ANXA4: variants seen among roughly 807,000 people sequenced by gnomAD.
ANXA4 encodes the protein 35-beta calcimedin.
In ANXA4, 39 loss-of-function variants were observed where a neutral mutation model predicts 49.8. The ratio of observed to expected loss-of-function variants is 0.78; its 90% CI spans 0.61 to 1.02. The LOEUF (loss-of-function observed/expected upper bound fraction) is 1.02. Among genes scored for constraint, ANXA4 ranks in the 50% least tolerant of loss-of-function variants. ANXA4 has a pLI of 0.00. For missense variants in ANXA4, 360 were observed against 410.1 expected, an observed-to-expected ratio of 0.88 and a Z score of 1.05; for synonymous variants, 134 against 152.5, an observed-to-expected ratio of 0.88 and a Z score of 0.89.
At position 69,673,539 on chromosome 2, in the gene ANXA4, G is replaced by A. The variant is rs557662865; in HGVS notation, n.766+20257G>A. ...GGGGCTAGGGGATGGATAGCATTAG[G>A]AGAAATACCCAATGTAGATGACGGG... On this transcript the variant is annotated intron_variant and non_coding_transcript_variant, in intron 2 of 3. Transcript: ENST00000418066. Among the ~76,000 whole-genome samples, 21 of 151,960 alleles carry A rather than the reference G, an allele frequency of 1.4e-4. No individual in the cohort carries two copies. In the South Asian group the frequency reaches 3.3e-3, roughly 24 times the overall value.
chr2:69,675,329 A>G (rs1465754770), intron 2 of ANXA4, among the ~76,000 whole-genome samples: 2 of 152,216 alleles, frequency 1.3e-5, no homozygotes, highest in Non-Finnish European at 1.5e-5. Flanking sequence ...ACTTACGTAT[A>G]TGATATGACT....
chr2:69,788,810 G>A (rs564040753), intron 3 of ANXA4, among the ~76,000 whole-genome samples: 1 of 148,648 alleles, frequency 6.7e-6, no homozygotes, highest in East Asian at 2.0e-4. Context: ...TGCACTCCAG[G>A]CTGGGCGACA....
intron 2 of ANXA4, among the ~76,000 whole-genome samples, chr2:69,707,525 C>T (rs1678536075): frequency 6.6e-6 from 1 of 152,184 alleles, no homozygotes; most frequent in African/African-American, 2.4e-5. Flanking sequence ...AGTTTTATCT[C>T]ATAACCGTGG....
intron 3 of ANXA4, among the ~76,000 whole-genome samples, chr2:69,734,995 C>T (rs545006937): frequency 1.3e-5 from 2 of 152,260 alleles, no homozygotes; most frequent in Non-Finnish European, 2.9e-5. Flanking sequence ...AGACAACATC[C>T]TGTTGTCCCC....
chr2:69,805,046 CAAAAAAAAAAA>C (rs60172949), intron 4 of ANXA4, among the ~76,000 whole-genome samples: 4 of 35,870 alleles, frequency 1.1e-4, no homozygotes, highest in Admixed American at 4.6e-4. Flanking sequence ...GACTCCATCT[CAAAAAAAAAAA>C]AAAAAAAAAA....
At chr2:69,793,036 G>A (rs1260063191) in intron 3 of ANXA4, among the ~76,000 whole-genome samples, 2 of 152,050 alleles carry the variant, frequency 1.3e-5, no homozygotes, top group African/African-American at 4.8e-5. Context: ...GGCGGATCAC[G>A]AGGTCAGGAG....
At chr2:69,770,449 CAT>C (rs1165778344) in intron 1 of ANXA4, among the ~76,000 whole-genome samples, 1 of 152,182 alleles carries the variant, frequency 6.6e-6, no homozygotes, top group Non-Finnish European at 1.5e-5. Context: ...GACTCACTCA[CAT>C]GTGATCTTCC....
chr2:69,771,764 C>T (rs1053932474), intron 1 of ANXA4, among the ~76,000 whole-genome samples: 5 of 152,206 alleles, frequency 3.3e-5, no homozygotes, highest in African/African-American at 1.2e-4. Context: ...TCTGGACATC[C>T]TGGAAACCAG....
chr2:69,691,024 C>G (rs1188626149), intron 2 of ANXA4, among the ~76,000 whole-genome samples: 2 of 152,090 alleles, frequency 1.3e-5, no homozygotes, highest in Non-Finnish European at 2.9e-5. Flanking sequence ...GTCTTTCTTT[C>G]CTTTTAATAT....
At chr2:69,692,345 A>G (rs528161968) in intron 2 of ANXA4, among the ~76,000 whole-genome samples, 1 of 152,356 alleles carries the variant, frequency 6.6e-6, no homozygotes, top group Admixed American at 6.5e-5. Flanking sequence ...TAGGCCTAGA[A>G]GTGTCCATGA....
chr2:69,745,533 T>A (rs1047019417), intron 1 of ANXA4, among the ~76,000 whole-genome samples: 1 of 152,156 alleles, frequency 6.6e-6, no homozygotes, highest in East Asian at 1.9e-4. Flanking sequence ...TTATTTTTTT[T>A]ATTTTTTTAT....
intron 2 of ANXA4, among the ~76,000 whole-genome samples, chr2:69,689,105 T>A (rs1262775158): frequency 6.6e-6 from 1 of 152,182 alleles, no homozygotes. Flanking sequence ...TTTCCTTTTT[T>A]TTTGGAGACA....
At chr2:69,745,503 TC>T (rs1346224096) in intron 1 of ANXA4, among the ~76,000 whole-genome samples, 1 of 152,198 alleles carries the variant, frequency 6.6e-6, no homozygotes, top group African/African-American at 2.4e-5. Flanking sequence ...GATTCAGGCC[TC>T]ACTTTGAGAA....
intron 3 of ANXA4, among the ~76,000 whole-genome samples, chr2:69,800,614 G>A (rs375030481): frequency 2.0e-4 from 31 of 152,292 alleles, no homozygotes; most frequent in African/African-American, 6.5e-4. Context: ...TGGGGGCATC[G>A]GGCAAAGCTT....
chr2:69,674,083 T>G (rs1677305053), intron 2 of ANXA4: 1 of 152,198 alleles, frequency 6.6e-6, no homozygotes, highest in Non-Finnish European at 1.5e-5. Flanking sequence ...ATACGAAATG[T>G]GTTTGTTGAA....
At chr2:69,643,927 C>T, upstream of ANXA4, 1 of 1,135,348 alleles carries the variant, frequency 8.8e-7, no homozygotes, top group Admixed American at 4.8e-5. Context: ...AAGAGGGTCT[C>T]AGTGCAGACA....
chr2:69,688,362 T>G (rs540299683), intron 2 of ANXA4, among the ~76,000 whole-genome samples: 1 of 152,338 alleles, frequency 6.6e-6, no homozygotes, highest in African/African-American at 2.4e-5. Flanking sequence ...TTTTGTTTTA[T>G]AGGGATTGCT....
chr2:69,762,476 G>A (rs1671332799), intron 1 of ANXA4, among the ~76,000 whole-genome samples: 1 of 152,128 alleles, frequency 6.6e-6, no homozygotes, highest in African/African-American at 2.4e-5. Flanking sequence ...TACAGCAGAG[G>A]AGGGATTGTA....
chr2:69,808,834 G>T (rs1394187434), intron 6 of ANXA4: 2 of 151,996 alleles, frequency 1.3e-5, no homozygotes, highest in African/African-American at 4.8e-5. Flanking sequence ...GCTAATTTTT[G>T]TATTTTTTGT....
Sources: allele counts gnomAD v4.1 joint callset (sites outside exome capture counted in the v4.1 genomes callset), GRCh38; gene constraint gnomAD v4.1.1; transcripts MANE v1.5; gene names NCBI Gene and HGNC (gene_info 2026-07-23, HGNC 2026-07-21).